Variants in RAPGEF2 observed in about 807,000 individuals in gnomAD.
RAPGEF2 encodes the protein PDZ domain containing guanine nucleotide exchange factor (GEF) 1.
Under a neutral mutation model 186.7 loss-of-function variants are expected in RAPGEF2, and 54 were observed. The ratio of observed to expected loss-of-function variants is 0.29; its 90% CI spans 0.23 to 0.36. The LOEUF (loss-of-function observed/expected upper bound fraction) is 0.36. RAPGEF2 is among the 10% of genes least tolerant of loss of function. The probability of loss-of-function intolerance (pLI) is 1.00; values close to 1 mark genes in which losing one functional copy is unlikely to be tolerated. For synonymous variants in RAPGEF2, 712 were observed against 705.9 expected (o/e 1.01, Z -0.14); for missense variants, 1,532 against 2,045.0 (o/e 0.75, Z 4.84).
At chr4:159,298,421 C>T (rs1230987775) in intron 7 of RAPGEF2, among the ~76,000 whole-genome samples, 1 of 152,078 alleles carries the variant, frequency 6.6e-6, no homozygotes, top group African/African-American at 2.4e-5. Flanking sequence ...CAAATGTTTA[C>T]TTTTTCTTGT....
At chr4:159,276,480 A>G (rs1561194091) in intron 7 of RAPGEF2, among the ~76,000 whole-genome samples, 1 of 152,194 alleles carries the variant, frequency 6.6e-6, no homozygotes, top group Admixed American at 6.5e-5. Context: ...TTTTATATAG[A>G]AGAGGGTACA....
At chr4:159,198,326 C>CTCTTTT (rs1749009988) in intron 3 of RAPGEF2, among the ~76,000 whole-genome samples, 1 of 65,350 alleles carries the variant, frequency 1.5e-5, no homozygotes, top group African/African-American at 1.3e-4. Flanking sequence ...TTCTTTCTTT[C>CTCTTTT]TTTCTTTCTT....
intron 1 of RAPGEF2, among the ~76,000 whole-genome samples, chr4:159,106,315 C>A (rs114351635): frequency 6.6e-6 from 1 of 152,246 alleles, no homozygotes; most frequent in East Asian, 1.9e-4. Flanking sequence ...ACGTTTATTT[C>A]TTTTCAAGAG....
intron 3 of RAPGEF2, among the ~76,000 whole-genome samples, chr4:159,200,339 C>G (rs1749272341): frequency 6.6e-6 from 1 of 151,936 alleles, no homozygotes; most frequent in Non-Finnish European, 1.5e-5. Context: ...GGTGGCGCAC[C>G]TCTGTGGTCC....
chr4:159,134,907 CTA>C (rs1186927312), intron 1 of RAPGEF2, among the ~76,000 whole-genome samples: 1 of 152,178 alleles, frequency 6.6e-6, no homozygotes, highest in Non-Finnish European at 1.5e-5. Flanking sequence ...TACTGTCTGT[CTA>C]TGTGTTTTCC....
chr4:159,344,924 T>C (rs1730071878), intron 23 of RAPGEF2, among the ~76,000 whole-genome samples, 182 bp from the exon 24 acceptor site: 1 of 152,222 alleles, frequency 6.6e-6, no homozygotes, highest in Non-Finnish European at 1.5e-5. Context: ...GTATATTATG[T>C]GTAATTTTCT....
intron 4 of RAPGEF2, among the ~76,000 whole-genome samples, chr4:159,235,779 TTATG>T (rs1221516670): frequency 6.6e-6 from 1 of 152,242 alleles, no homozygotes; most frequent in Non-Finnish European, 1.5e-5. Flanking sequence ...TTGCTTTTGT[TTATG>T]TATTTACTGT....
chr4:159,331,888 T>TC, intron 15 of RAPGEF2, 38 bp from the exon 16 acceptor site: 2 of 1,589,996 alleles, frequency 1.3e-6, no homozygotes, highest in Middle Eastern at 1.7e-4. Context: ...GTTTTTTTTT[T>TC]CAGTCAATTT....
intron 1 of RAPGEF2, among the ~76,000 whole-genome samples, chr4:159,140,408 A>G (rs915894206): frequency 6.6e-6 from 1 of 152,250 alleles, no homozygotes; most frequent in African/African-American, 2.4e-5. Context: ...TCTCTTTTAA[A>G]AGCAATTGTT....
chr4:159,266,546 ACT>A (rs1430811620), intron 7 of RAPGEF2, among the ~76,000 whole-genome samples: 1 of 152,030 alleles, frequency 6.6e-6, no homozygotes, highest in Non-Finnish European at 1.5e-5. Context: ...TTTTATTTCA[ACT>A]CTCTACCTCT....
intron 7 of RAPGEF2, among the ~76,000 whole-genome samples, chr4:159,299,009 T>C (rs1225463621): frequency 2.0e-5 from 3 of 151,866 alleles, no homozygotes. Context: ...CAGAGAAAAA[T>C]AGAAAATATG....
chr4:159,336,740 A>T (rs1440020873), intron 17 of RAPGEF2, among the ~76,000 whole-genome samples: 1 of 152,212 alleles, frequency 6.6e-6, no homozygotes, highest in Non-Finnish European at 1.5e-5. Flanking sequence ...CATTTTCAAA[A>T]AAAAAAGTAA....
At chr4:159,114,119 A>AG (rs1185863499) in intron 1 of RAPGEF2, among the ~76,000 whole-genome samples, 91 of 136,868 alleles carry the variant, frequency 6.6e-4, no homozygotes, top group South Asian at 7.0e-4. Flanking sequence ...TACCTGGCTA[A>AG]TTTTTTTTTT....
At chr4:159,357,368 AAG>A (rs1164037629) in intron 29 of RAPGEF2, among the ~76,000 whole-genome samples, 1 of 152,130 alleles carries the variant, frequency 6.6e-6, no homozygotes, top group Non-Finnish European at 1.5e-5. Flanking sequence ...CTCTAAAAGA[AAG>A]AGAGAGAGAA....
chr4:159,172,265 G>A (rs778916769), intron 1 of RAPGEF2, among the ~76,000 whole-genome samples: 2 of 152,078 alleles, frequency 1.3e-5, no homozygotes, highest in Admixed American at 6.6e-5. Flanking sequence ...TGTAGTTCTC[G>A]GATGCAGTAG....
At chr4:159,175,670 C>T (rs1022165539) in intron 1 of RAPGEF2, among the ~76,000 whole-genome samples, 3 of 152,162 alleles carry the variant, frequency 2.0e-5, no homozygotes, top group Admixed American at 6.5e-5. Context: ...GCGAGACCGG[C>T]GACTGCTTTT....
chr4:159,311,127 C>T (rs1223483793), intron 8 of RAPGEF2, among the ~76,000 whole-genome samples: 1 of 152,040 alleles, frequency 6.6e-6, no homozygotes, highest in Non-Finnish European at 1.5e-5. Flanking sequence ...ATTTAATGTC[C>T]TTGACATTTT....
rs150379967 is a variant in RAPGEF2 at position 159,331,665 on chromosome 4, G to C, written c.1611G>C (p.Ala537=). 2 of 1,614,000 alleles carry C rather than the reference G, an allele frequency of 1.2e-6. No homozygotes were observed. The highest frequency in any genetic ancestry group is 2.7e-5 in the African/African-American group (2 of 74,898). ...GACACCTAAGGCTGTTGAATATCGC[G>C]TGTGCTGCTAAAGCAAAAAGAAGAT... ...MGGHLRLLNI[A]CAAKAKRRLM... Residue 537 remains alanine (A), a synonymous_variant, in exon 15 of 30, where the codon GCG becomes GCC. Transcript: ENST00000691494.
intron 2 of RAPGEF2, among the ~76,000 whole-genome samples, chr4:159,190,342 G>A (rs1425399265): frequency 6.6e-6 from 1 of 152,150 alleles, no homozygotes; most frequent in African/African-American, 2.4e-5. Context: ...ATGTAAAGGT[G>A]GAAGCAGAAG....
Sources: allele counts gnomAD v4.1 joint callset (sites outside exome capture counted in the v4.1 genomes callset), GRCh38; gene constraint gnomAD v4.1.1; transcripts MANE v1.5; gene names NCBI Gene and HGNC (gene_info 2026-07-23, HGNC 2026-07-21).